The following PCDH15 variants were observed in gnomAD, a reference collection of about 807,000 sequenced individuals.
PCDH15 encodes the protein protocadherin-15.
Under a neutral mutation model 178.5 loss-of-function variants are expected in PCDH15, and 129 were observed. The ratio of observed to expected loss-of-function variants is 0.72; its 90% CI spans 0.63 to 0.84. The LOEUF (loss-of-function observed/expected upper bound fraction) is 0.84, where lower values mean the gene tolerates loss of function less well. Among genes scored for constraint, PCDH15 ranks in the 40% least tolerant of loss-of-function variants. The pLI, the probability that PCDH15 is intolerant of heterozygous loss-of-function variation, is 0.00. For synonymous variants in PCDH15, 800 were observed against 732.0 expected (o/e 1.09, Z -1.50); for missense variants, 2,230 against 2,099.9 (o/e 1.06, Z -1.21).
intron 2 of PCDH15, among the ~76,000 whole-genome samples, chr10:54,571,553 C>A (rs547745356): frequency 1.6e-4 from 25 of 152,118 alleles, no homozygotes; most frequent in African/African-American, 5.8e-4. Context: ...TGAGGACTCA[C>A]TTAACTCATT....
intron 1 of PCDH15, among the ~76,000 whole-genome samples, chr10:54,704,554 G>A (rs2095346549): frequency 1.3e-5 from 2 of 152,068 alleles, no homozygotes; most frequent in Admixed American, 6.6e-5. Flanking sequence ...AGACATACAT[G>A]CAGCTAACAA....
At chr10:54,175,550 T>C (rs990268827) in intron 13 of PCDH15, among the ~76,000 whole-genome samples, 11 of 152,136 alleles carry the variant, frequency 7.2e-5, no homozygotes, top group Non-Finnish European at 1.0e-4. Flanking sequence ...TAGTAGTTTA[T>C]ATAGTTAGTT....
intron 2 of PCDH15, among the ~76,000 whole-genome samples, chr10:55,149,210 G>T (rs1012968558): frequency 6.6e-6 from 1 of 150,862 alleles, no homozygotes; most frequent in Admixed American, 6.6e-5. Flanking sequence ...TAGAAATGGA[G>T]CAGTCTTTCA....
chr10:54,998,947 G>A (rs1476411774), intron 2 of PCDH15, among the ~76,000 whole-genome samples: 4 of 152,152 alleles, frequency 2.6e-5, no homozygotes, highest in African/African-American at 9.7e-5. Context: ...AACTGAGTAA[G>A]ATAAAATGTG....
At chr10:54,314,512 A>G (rs1847718664) in intron 8 of PCDH15, among the ~76,000 whole-genome samples, 1 of 152,134 alleles carries the variant, frequency 6.6e-6, no homozygotes, top group Admixed American at 6.6e-5. Flanking sequence ...TTTAAAAGAT[A>G]AATAAAAATG....
intron 2 of PCDH15, among the ~76,000 whole-genome samples, chr10:55,397,462 T>C (rs942567856): frequency 6.6e-6 from 1 of 152,226 alleles, no homozygotes; most frequent in African/African-American, 2.4e-5. Flanking sequence ...CATACTGTTT[T>C]GTCTGTTACT....
intron 1 of PCDH15, among the ~76,000 whole-genome samples, chr10:55,221,567 G>A (rs140449716): frequency 0.018 from 2,782 of 151,952 alleles, 104 homozygotes; most frequent in African/African-American, 0.062. Flanking sequence ...ATTAAATCTG[G>A]TATTTGACCT....
At chr10:54,306,729 C>A (rs983319849) in intron 8 of PCDH15, among the ~76,000 whole-genome samples, 51 of 151,646 alleles carry the variant, frequency 3.4e-4, no homozygotes, top group African/African-American at 9.7e-4. Context: ...GGTCAAAGGG[C>A]AAGCATGTGA....
intron 3 of PCDH15, among the ~76,000 whole-genome samples, chr10:54,497,479 T>C (rs1017788799): frequency 1.3e-5 from 2 of 152,130 alleles, no homozygotes; most frequent in African/African-American, 4.8e-5. Flanking sequence ...ACATAGAATT[T>C]GGAATCTCGA....
intron 3 of PCDH15, among the ~76,000 whole-genome samples, chr10:54,806,656 T>C (rs1465356492): frequency 6.6e-6 from 1 of 152,080 alleles, no homozygotes; most frequent in Non-Finnish European, 1.5e-5. Context: ...GCTAATTTTT[T>C]TGTATTTTTA....
chr10:53,947,190 A>G (rs867645665), intron 23 of PCDH15, among the ~76,000 whole-genome samples: 1 of 152,204 alleles, frequency 6.6e-6, no homozygotes, highest in Non-Finnish European at 1.5e-5. Flanking sequence ...AGAATAACAT[A>G]ATTTGCAATG....
intron 2 of PCDH15, among the ~76,000 whole-genome samples, chr10:55,560,849 A>C (rs1473120489): frequency 6.6e-6 from 1 of 151,348 alleles, no homozygotes; most frequent in Non-Finnish European, 1.5e-5. Context: ...TAACATGTAA[A>C]TATAAATAAG....
At chr10:54,496,652 C>G (rs2080143027) in intron 3 of PCDH15, among the ~76,000 whole-genome samples, 1 of 152,026 alleles carries the variant, frequency 6.6e-6, no homozygotes, top group African/African-American at 2.4e-5. Context: ...TAGTTTTCAC[C>G]TTTTCTCCAA....
intron 20 of PCDH15, among the ~76,000 whole-genome samples, chr10:53,996,136 G>A (rs751348908): frequency 7.2e-5 from 11 of 151,994 alleles, no homozygotes; most frequent in East Asian, 3.9e-4. Context: ...TGAAGCAGGC[G>A]TAAAAGATTT....
At chr10:55,290,750 A>C (rs1842987513) in intron 1 of PCDH15, among the ~76,000 whole-genome samples, 1 of 152,156 alleles carries the variant, frequency 6.6e-6, no homozygotes, top group African/African-American at 2.4e-5. Flanking sequence ...AAATAGTGAC[A>C]GTTACAATAA....
At chr10:55,054,953 C>T (rs542006958) in intron 2 of PCDH15, among the ~76,000 whole-genome samples, 1 of 152,270 alleles carries the variant, frequency 6.6e-6, no homozygotes, top group African/African-American at 2.4e-5. Flanking sequence ...AGCTTTTCCC[C>T]ATTCTGTAGG....
At chr10:54,922,271 C>T (rs1837513769) in intron 2 of PCDH15, among the ~76,000 whole-genome samples, 1 of 152,050 alleles carries the variant, frequency 6.6e-6, no homozygotes, top group Non-Finnish European at 1.5e-5. Context: ...AGGCAAATCC[C>T]TTCCACTTAT....
chr10:55,561,156 A>G (rs1564454862), intron 2 of PCDH15, among the ~76,000 whole-genome samples: 2 of 151,864 alleles, frequency 1.3e-5, no homozygotes, highest in African/African-American at 4.8e-5. Flanking sequence ...ATTAATCTTC[A>G]GAAAGAAATT....
At chr10:54,936,880 G>C (rs1023541060) in intron 2 of PCDH15, among the ~76,000 whole-genome samples, 1 of 151,306 alleles carries the variant, frequency 6.6e-6, no homozygotes, top group Non-Finnish European at 1.5e-5. Flanking sequence ...TTTTTCTTTT[G>C]TTGTTTGTGC....
Sources: allele counts gnomAD v4.1 joint callset (sites outside exome capture counted in the v4.1 genomes callset), GRCh38; gene constraint gnomAD v4.1.1; transcripts MANE v1.5; gene names NCBI Gene and HGNC (gene_info 2026-07-23, HGNC 2026-07-21).